Variants in PICALM observed in about 807,000 individuals in gnomAD.
PICALM encodes phosphatidylinositol-binding clathrin assembly protein.
A neutral mutation model predicts 80.5 loss-of-function variants in PICALM; 40 were observed. That is an observed-to-expected ratio of 0.50 (90% CI 0.39 to 0.65). The LOEUF (loss-of-function observed/expected upper bound fraction) is 0.65, where lower values mean the gene tolerates loss of function less well. PICALM is among the 30% of genes least tolerant of loss of function. The pLI is 0.00. For synonymous variants in PICALM, 288 were observed against 260.3 expected (o/e 1.11, Z -1.02); for missense variants, 676 against 778.9 (o/e 0.87, Z 1.57).
intron 1 of PICALM, among the ~76,000 whole-genome samples, chr11:86,032,858 A>G (rs755697758): frequency 6.4e-4 from 97 of 152,350 alleles, no homozygotes; most frequent in Non-Finnish European, 1.1e-3. Context: ...CTAGCAAGAA[A>G]TGACAATGTA....
At chr11:86,037,539 T>C (rs1016547336) in intron 1 of PICALM, among the ~76,000 whole-genome samples, 1 of 151,074 alleles carries the variant, frequency 6.6e-6, no homozygotes, top group African/African-American at 2.4e-5. Context: ...ATTACAGGCG[T>C]GAGCCACCGC....
chr11:86,060,735 C>CAA lies in PICALM; in HGVS notation c.130+7914_130+7915dup, dbSNP rs61642872. ...TACTGCACAACTAGATATCCACAGG[C>CAA]AAAAAAAAAAAAAATGAATCAGGAG... is the stretch of plus-strand genomic sequence containing the variant. On this transcript the variant is annotated intron_variant, in intron 1 of 19. Coordinates refer to ENST00000393346, the MANE Select transcript of PICALM (RefSeq NM_007166.4). Among the ~76,000 whole-genome samples, 675 of 132,864 alleles carry CAA rather than the reference C, an allele frequency of 5.1e-3. 5 individuals are homozygous for CAA. The highest frequency in any genetic ancestry group is 0.018 in the Middle Eastern group (5 of 272). 87.2% of individuals were successfully genotyped at this position (132,864 alleles called of 152,430 possible). A position where few individuals can be genotyped will look rare whatever the true frequency, so the allele number is the denominator to read the frequency against.
intron 1 of PICALM, among the ~76,000 whole-genome samples, chr11:86,056,144 A>AAAAAAG (rs1555149018): frequency 1.7e-5 from 2 of 118,846 alleles, no homozygotes; most frequent in Admixed American, 9.2e-5. Flanking sequence ...TTAAAAAAAA[A>AAAAAAG]AAAAAAGAAA....
At chr11:86,049,747 C>G (rs1159247312) in intron 1 of PICALM, among the ~76,000 whole-genome samples, 1 of 151,060 alleles carries the variant, frequency 6.6e-6, no homozygotes, top group Non-Finnish European at 1.5e-5. Flanking sequence ...TTCTATTCAT[C>G]TAAGAGAACT....
intron 1 of PICALM, among the ~76,000 whole-genome samples, chr11:86,037,259 A>ATTT (rs763255182): frequency 0.011 from 1,115 of 106,004 alleles, 89 homozygotes; most frequent in African/African-American, 0.028. Flanking sequence ...AAAAAAGAAA[A>ATTT]TTTTTTTTTT....
intron 11 of PICALM, among the ~76,000 whole-genome samples, chr11:85,997,516 G>C (rs1239664563): frequency 6.6e-6 from 1 of 152,176 alleles, no homozygotes; most frequent in Admixed American, 6.5e-5. Context: ...TGTCGCCCAG[G>C]ATGGAGTGCA....
rs144717139 is a variant in PICALM at position 86,018,653 on chromosome 11, C to T, written c.453-3690G>A. Among the ~76,000 whole-genome samples, 383 of 152,152 alleles carry T rather than the reference C, an allele frequency of 2.5e-3. 2 individuals are homozygous for T. The highest frequency in any genetic ancestry group is 3.8e-3 in the Non-Finnish European group (261 of 67,978). ...CCTGTAATCTCAGCACTTTGGGAGG[C>T]CGAGACAGGTAGCTCACTTGAGGTC... On this transcript the variant is annotated intron_variant, in intron 4 of 19. Transcript: ENST00000393346.
Position 85,983,736 on chromosome 11 carries a change from G to A in PICALM, c.1516+130C>T, listed in dbSNP as rs1361347003. 4 of 487,736 alleles carry A rather than the reference G, an allele frequency of 8.2e-6. No individual in the cohort carries two copies. In the East Asian group the frequency reaches 1.4e-4, roughly 17 times the overall value. The allele number at this position is 487,736 out of a possible 1,614,324, so 30.2% of individuals were successfully genotyped here. On this transcript the variant is annotated intron_variant, in intron 14 of 19. Coordinates refer to ENST00000393346, the MANE Select transcript of PICALM (RefSeq NM_007166.4). ...CTTGAAGTTCTCATCTAGTGCTTGG[G>A]GGGATGGGACAATTTCTTTGGCTAC...
intron 19 of PICALM, among the ~76,000 whole-genome samples, chr11:85,962,401 A>T (rs1338020295): frequency 6.6e-6 from 1 of 152,196 alleles, no homozygotes; most frequent in Non-Finnish European, 1.5e-5. Flanking sequence ...TTGCAGATAG[A>T]CTGCATCTAA....
intron 18 of PICALM, among the ~76,000 whole-genome samples, chr11:85,976,016 T>C (rs886347799): frequency 6.6e-6 from 1 of 152,170 alleles, no homozygotes; most frequent in Non-Finnish European, 1.5e-5. Context: ...ACAGTAGCAA[T>C]ACCAAGGGAC....
chr11:85,980,351 C>T (rs2094404786), intron 17 of PICALM, among the ~76,000 whole-genome samples: 1 of 152,210 alleles, frequency 6.6e-6, no homozygotes, highest in Admixed American at 6.5e-5. Flanking sequence ...CAGCCTTAAG[C>T]AAGTCACTTA....
At chr11:86,037,722 A>G (rs1396758740) in intron 1 of PICALM, among the ~76,000 whole-genome samples, 1 of 151,990 alleles carries the variant, frequency 6.6e-6, no homozygotes, top group African/African-American at 2.4e-5. Context: ...ATGTATGTGT[A>G]ATATTTTTTT....
At chr11:86,021,422 T>A (rs553537146) in intron 4 of PICALM, among the ~76,000 whole-genome samples, 34 of 149,286 alleles carry the variant, frequency 2.3e-4, no homozygotes, top group African/African-American at 7.9e-4. Flanking sequence ...ATGCTCAATA[T>A]CATTAGCCAT....
chr11:86,055,576 T>C (rs1379913978), intron 1 of PICALM, among the ~76,000 whole-genome samples: 2 of 152,226 alleles, frequency 1.3e-5, no homozygotes, highest in Non-Finnish European at 2.9e-5. Flanking sequence ...AAGTAACATT[T>C]TTCTCCTGCA....
chr11:86,041,692 C>G (rs2095972677), intron 1 of PICALM, among the ~76,000 whole-genome samples: 1 of 152,146 alleles, frequency 6.6e-6, no homozygotes, highest in African/African-American at 2.4e-5. Flanking sequence ...AAAGTGCAAA[C>G]TAAATTGTTT....
chr11:85,982,931 T>C (rs1216198803), intron 14 of PICALM, among the ~76,000 whole-genome samples: 1 of 152,166 alleles, frequency 6.6e-6, no homozygotes. Context: ...TAGTATGATC[T>C]AGGAATATTA....
At chr11:85,978,723 A>T (rs1008053630) in intron 17 of PICALM, 4 of 152,222 alleles carry the variant, frequency 2.6e-5, no homozygotes, top group African/African-American at 9.6e-5. Flanking sequence ...AGCAAGATAA[A>T]GACTGTTACC....
chr11:85,982,923 G>C (rs1037074023), intron 14 of PICALM, among the ~76,000 whole-genome samples: 4 of 152,064 alleles, frequency 2.6e-5, no homozygotes, highest in African/African-American at 9.7e-5. Context: ...GGACTCAATA[G>C]TATGATCTAG....
chr11:86,065,594 G>A (rs1302563679), intron 1 of PICALM, among the ~76,000 whole-genome samples: 1 of 152,164 alleles, frequency 6.6e-6, no homozygotes, highest in African/African-American at 2.4e-5. Flanking sequence ...TGATGAGAAA[G>A]TGCCTGGAAA....
Sources: gnomAD v4.1 joint callset for allele counts (sites outside exome capture counted in the v4.1 genomes callset) on GRCh38, gnomAD v4.1.1 for gene constraint, MANE v1.5 for transcripts, NCBI Gene and HGNC (gene_info 2026-07-23, HGNC 2026-07-21) for gene names.